Variants in ST6GAL2 observed in about 807,000 individuals in gnomAD.
ST6GAL2 encodes ST6 beta-galactoside alpha-2,6-sialyltransferase 2.
Under a neutral mutation model 37.5 loss-of-function variants are expected in ST6GAL2, and 24 were observed. That is an observed-to-expected ratio of 0.64 (90% confidence interval 0.46 to 0.90). The LOEUF is 0.90. Ranked by LOEUF, ST6GAL2 falls within the 40% of genes least tolerant of loss-of-function variation. The pLI is 0.00. For missense variants in ST6GAL2, 715 were observed against 712.7 expected, an observed-to-expected ratio of 1.00 and a Z score of -0.04; for synonymous variants, 306 against 295.1, an observed-to-expected ratio of 1.04 and a Z score of -0.38.
intron 1 of ST6GAL2, among the ~76,000 whole-genome samples, chr2:106,853,396 C>T (rs868172123): frequency 1.3e-5 from 2 of 152,214 alleles, no homozygotes; most frequent in African/African-American, 4.8e-5. Context: ...TTTTCTACCT[C>T]GGTAGGAAGG....
intron 5 of ST6GAL2, among the ~76,000 whole-genome samples, chr2:106,807,553 A>G (rs1157699398): frequency 6.6e-6 from 1 of 152,284 alleles, no homozygotes; most frequent in African/African-American, 2.4e-5. Context: ...TCACTGAACT[A>G]TCAGTGTTAA....
intron 5 of ST6GAL2, among the ~76,000 whole-genome samples, chr2:106,820,384 T>C (rs966047960): frequency 6.6e-6 from 1 of 151,662 alleles, no homozygotes; most frequent in African/African-American, 2.4e-5. Context: ...AAAGACAAAG[T>C]AGGTCATTAT....
intron 5 of ST6GAL2, among the ~76,000 whole-genome samples, chr2:106,818,775 GAT>G (rs1249925818): frequency 6.6e-6 from 1 of 151,944 alleles, no homozygotes; most frequent in Non-Finnish European, 1.5e-5. Context: ...CAGAGACAGA[GAT>G]ATGTGACCTT....
At chr2:106,812,612 C>CTAT (rs1344226298) in intron 5 of ST6GAL2, among the ~76,000 whole-genome samples, 7 of 152,212 alleles carry the variant, frequency 4.6e-5, no homozygotes, top group African/African-American at 1.4e-4. Context: ...AAGGGCCAGT[C>CTAT]TTATAAGCAG....
At chr2:106,861,821 G>A (rs1335367400) in intron 1 of ST6GAL2, among the ~76,000 whole-genome samples, 1 of 151,852 alleles carries the variant, frequency 6.6e-6, no homozygotes, top group African/African-American at 2.4e-5. Flanking sequence ...TGATGGAGAT[G>A]GGGTTTTACC....
At chr2:106,845,687 G>T (rs2104529094) in intron 1 of ST6GAL2, among the ~76,000 whole-genome samples, 1 of 152,314 alleles carries the variant, frequency 6.6e-6, no homozygotes, top group African/African-American at 2.4e-5. Context: ...GAAAGGACGT[G>T]CTAAACTAAG....
At position 106,805,966 on chromosome 2, in the gene ST6GAL2, A is replaced by G. The variant is rs1055708310; in HGVS notation, c.*712T>C. ...TGTGATACTAATGTTCCTGGTTGAAATACTGCAGGGAAACAAAGGGCCTCC... is the reference window on the plus strand; with the variant it reads ...TGTGATACTAATGTTCCTGGTTGAAGTACTGCAGGGAAACAAAGGGCCTCC... On this transcript the variant is annotated 3_prime_UTR_variant, in exon 6 of 6. Transcript: ENST00000409382. 2.6e-5 allele frequency: 4 copies of G among 152,318 alleles called. No homozygotes were observed. The highest frequency in any genetic ancestry group is 2.6e-4 in the Admixed American group (4 of 15,278). 9.4% of individuals were successfully genotyped at this position (152,318 alleles called of 1,614,324 possible).
chr2:106,836,124 A>C (rs1368368734), intron 2 of ST6GAL2, among the ~76,000 whole-genome samples: 1 of 152,124 alleles, frequency 6.6e-6, no homozygotes, highest in Non-Finnish European at 1.5e-5. Flanking sequence ...GCTTTTTTTC[A>C]ATTTAAAAAA....
chr2:106,884,774 C>T (rs78736352), intron 1 of ST6GAL2, among the ~76,000 whole-genome samples: 17,186 of 151,186 alleles, frequency 0.11, 1,182 homozygotes, highest in African/African-American at 0.15. Context: ...TACAAAATTC[C>T]TCAAGTGGTA....
chr2:106,821,105 C>A (rs1675986228), intron 5 of ST6GAL2, among the ~76,000 whole-genome samples: 1 of 151,428 alleles, frequency 6.6e-6, no homozygotes, highest in Non-Finnish European at 1.5e-5. Context: ...AAAGCAAGAG[C>A]AAACCAAAAC....
At position 106,804,405 on chromosome 2, in the gene ST6GAL2, ATGGTC is replaced by A. The variant is rs1221904102; in HGVS notation, c.*2268_*2272del. 1 of 152,202 alleles carries A rather than the reference ATGGTC, an allele frequency of 6.6e-6. No homozygotes were observed. Among genetic ancestry groups the A allele is most frequent in the Non-Finnish European group, 1.5e-5 (1 of 68,038 alleles). 9.4% of individuals were successfully genotyped at this position (152,202 alleles called of 1,614,324 possible). On this transcript the variant is annotated 3_prime_UTR_variant, in exon 6 of 6. Transcript: ENST00000409382. ...ATAAAAGGAGCTTCAGGGGCATTTAATGGTCTGGAAGATCTAGAAAGATCCAAGGA... is the reference window on the plus strand; with the variant it reads ...ATAAAAGGAGCTTCAGGGGCATTTAATGGAAGATCTAGAAAGATCCAAGGA...
At chr2:106,827,943 C>G (rs1454547729) in intron 5 of ST6GAL2, among the ~76,000 whole-genome samples, 1 of 152,176 alleles carries the variant, frequency 6.6e-6, no homozygotes, top group Admixed American at 6.5e-5. Context: ...GAGGGGAATT[C>G]AAACTCAACC....
intron 5 of ST6GAL2, among the ~76,000 whole-genome samples, chr2:106,826,515 G>C (rs1676211190): frequency 1.4e-5 from 2 of 145,972 alleles, no homozygotes; most frequent in Non-Finnish European, 3.0e-5. Context: ...ACTCCAGCCT[G>C]AGTAACACAG....
chr2:106,836,785 A>G (rs1676660560), intron 2 of ST6GAL2, among the ~76,000 whole-genome samples: 1 of 148,980 alleles, frequency 6.7e-6, no homozygotes, highest in South Asian at 2.1e-4. Context: ...AAAAAAAAAA[A>G]AAAAAAAAAA....
Position 106,869,827 on chromosome 2 carries a change from C to T in ST6GAL2, c.-58+16266G>A, listed in dbSNP as rs73949799. Among the ~76,000 whole-genome samples the T allele has an allele frequency of 2.6e-3, 394 of 152,304 alleles. 2 individuals carry two copies. The highest frequency in any genetic ancestry group is 9.0e-3 in the African/African-American group (374 of 41,554). Reference sequence around the variant, plus strand: ...GCACCTGCCCAGGTGGCTGGGCCTCCGACTGTCCTCTCTGCACCTCACCCC... The same window carrying T: ...GCACCTGCCCAGGTGGCTGGGCCTCTGACTGTCCTCTCTGCACCTCACCCC... On this transcript the variant is annotated intron_variant, in intron 1 of 5. Coordinates refer to ENST00000409382, the MANE Select transcript of ST6GAL2 (RefSeq NM_001142351.2).
At chr2:106,842,478 C>T (rs1676928114) in intron 2 of ST6GAL2, among the ~76,000 whole-genome samples, 1 of 152,170 alleles carries the variant, frequency 6.6e-6, no homozygotes, top group African/African-American at 2.4e-5. Context: ...AAAGATGTTC[C>T]CAACAGCAGC....
intron 5 of ST6GAL2, among the ~76,000 whole-genome samples, chr2:106,824,460 G>A (rs541563696): frequency 5.3e-5 from 8 of 152,170 alleles, no homozygotes; most frequent in Admixed American, 2.0e-4. Context: ...GTGAAACCCC[G>A]TCTCTACTAA....
chr2:106,827,013 G>T (rs957262500), intron 5 of ST6GAL2, among the ~76,000 whole-genome samples: 20 of 152,154 alleles, frequency 1.3e-4, no homozygotes, highest in African/African-American at 4.8e-4. Flanking sequence ...CTGAAGATGG[G>T]ACTGTGCAAA....
chr2:106,819,006 C>T (rs1573214700), intron 5 of ST6GAL2, among the ~76,000 whole-genome samples: 3 of 151,864 alleles, frequency 2.0e-5, no homozygotes, highest in East Asian at 1.9e-4. Flanking sequence ...AGAAAGAATT[C>T]GTGAGCTTGA....
Sources: allele counts gnomAD v4.1 joint callset (sites outside exome capture counted in the v4.1 genomes callset), GRCh38; gene constraint gnomAD v4.1.1; transcripts MANE v1.5; gene names NCBI Gene and HGNC (gene_info 2026-07-23, HGNC 2026-07-21).